Variants in COL24A1 observed in about 807,000 individuals in gnomAD.
The protein encoded by COL24A1 is collagen alpha-1(XXIV) chain.
COL24A1 carries 224 observed loss-of-function variants against 253.9 expected under a neutral mutation model. The ratio of observed to expected loss-of-function variants is 0.88; its 90% CI spans 0.79 to 0.99. The LOEUF (loss-of-function observed/expected upper bound fraction) is 0.99, where lower values mean the gene tolerates loss of function less well. Among genes scored for constraint, COL24A1 ranks in the 50% least tolerant of loss-of-function variants. The pLI, the probability that COL24A1 is intolerant of heterozygous loss-of-function variation, is 0.00. For missense variants in COL24A1, 2,131 were observed against 2,068.5 expected, an observed-to-expected ratio of 1.03 and a Z score of -0.59; for synonymous variants, 685 against 673.7, an observed-to-expected ratio of 1.02 and a Z score of -0.26.
intron 47 of COL24A1, among the ~76,000 whole-genome samples, chr1:85,801,949 C>G (rs1671470124): frequency 2.6e-5 from 4 of 152,196 alleles, no homozygotes; most frequent in South Asian, 4.1e-4. Flanking sequence ...TGATATCTCT[C>G]TCTCTCCCTC....
rs543572344 is a variant in COL24A1 at position 86,063,663 on chromosome 1, T to C, written c.1752+52A>G. ...AAAATAATCTCTCAAAGGAGTTCTCTAACATGTGTCTTTTTCACACATGAT... is the reference window on the plus strand; with the variant it reads ...AAAATAATCTCTCAAAGGAGTTCTCCAACATGTGTCTTTTTCACACATGAT... On this transcript the variant is annotated intron_variant, in intron 8 of 59. Transcript: ENST00000370571. 12 of 1,337,836 alleles carry C rather than the reference T, an allele frequency of 9.0e-6. No individual in the cohort carries two copies. The South Asian group carries it at 1.6e-4, about 18-fold the overall frequency. The allele number at this position is 1,337,836 out of a possible 1,614,324, so 82.9% of individuals were successfully genotyped here.
intron 47 of COL24A1, among the ~76,000 whole-genome samples, chr1:85,798,158 C>T (rs1439582379): frequency 6.7e-6 from 1 of 149,434 alleles, no homozygotes; most frequent in Non-Finnish European, 1.5e-5. Flanking sequence ...GATCACACCA[C>T]TGTACTCCAG....
intron 2 of COL24A1, among the ~76,000 whole-genome samples, chr1:86,136,485 T>C (rs1650267132): frequency 1.3e-5 from 2 of 152,132 alleles, no homozygotes; most frequent in South Asian, 4.1e-4. Context: ...CATTTTTTTC[T>C]ATTGTATGAT....
At chr1:85,745,600 G>A in intron 55 of COL24A1, 94 bp from the exon 56 acceptor site, 1 of 868,360 alleles carries the variant, frequency 1.2e-6, no homozygotes, top group Non-Finnish European at 1.8e-6. Flanking sequence ...TGCTGTTAAA[G>A]TATACCAGAC....
rs1170182205 is a variant in COL24A1, at chr1:85,896,404, T to C, written c.2784A>G (p.Ser928=). The C allele has an allele frequency of 5.6e-6, 9 of 1,612,698 alleles. No individual in the cohort carries two copies. Among genetic ancestry groups the C allele is most frequent in the Non-Finnish European group, 7.6e-6 (9 of 1,178,740 alleles). ...GSQGPKGQRG[S]RGPDGLLGEQ... ...CCCCTAAGAGACCATCTGGTCCTCTTGATCCCTAGAGGTGAAAAAAATATC... is the reference window on the plus strand; with the variant it reads ...CCCCTAAGAGACCATCTGGTCCTCTCGATCCCTAGAGGTGAAAAAAATATC... The change falls in exon 29 of 60, where the codon TCA becomes TCG. Residue 928 remains serine, a synonymous_variant. Coordinates refer to ENST00000370571, the MANE Select transcript of COL24A1 (RefSeq NM_152890.7).
intron 10 of COL24A1, 66 bp from the exon 11 acceptor site, chr1:86,050,243 T>C (rs985426403): frequency 2.9e-6 from 4 of 1,374,790 alleles, no homozygotes; most frequent in Admixed American, 3.6e-5. Flanking sequence ...TGATTCTGAA[T>C]AGAAGTACTT....
chr1:85,920,193 A>G (rs4912450), intron 24 of COL24A1, among the ~76,000 whole-genome samples: 39,420 of 152,112 alleles, frequency 0.26, 6,013 homozygotes, highest in East Asian at 0.34. Flanking sequence ...AAGAAGTAAA[A>G]TAATATCTAA....
chr1:86,105,386 G>A (rs1704874697), intron 5 of COL24A1, among the ~76,000 whole-genome samples: 1 of 152,200 alleles, frequency 6.6e-6, no homozygotes, highest in African/African-American at 2.4e-5. Context: ...GCTGTTGCGT[G>A]TCCAGAGGGC....
At chr1:86,018,539 G>A (rs537911861) in intron 18 of COL24A1, among the ~76,000 whole-genome samples, 1 of 152,156 alleles carries the variant, frequency 6.6e-6, no homozygotes, top group Non-Finnish European at 1.5e-5. Flanking sequence ...TAAGCAGTGA[G>A]GATAAAATAG....
intron 53 of COL24A1, among the ~76,000 whole-genome samples, chr1:85,770,685 C>G (rs1018739371): frequency 6.6e-6 from 1 of 152,124 alleles, no homozygotes; most frequent in African/African-American, 2.4e-5. Flanking sequence ...AAAAAATAAG[C>G]TTAGCATGAT....
chr1:85,908,794 C>A (rs1685091621), intron 26 of COL24A1, 143 bp from the exon 27 acceptor site: 4 of 426,972 alleles, frequency 9.4e-6, no homozygotes, highest in Middle Eastern at 6.2e-4. Flanking sequence ...ATATGAAAGG[C>A]CACAGGAAAT....
intron 22 of COL24A1, among the ~76,000 whole-genome samples, chr1:85,969,132 T>C (rs1691861440): frequency 6.6e-6 from 1 of 152,170 alleles, no homozygotes; most frequent in African/African-American, 2.4e-5. Context: ...AGGAAGTAAA[T>C]TTTAAATAAG....
At chr1:85,936,040 TG>T (rs1245902980) in intron 24 of COL24A1, among the ~76,000 whole-genome samples, 3 of 147,304 alleles carry the variant, frequency 2.0e-5, no homozygotes, top group Non-Finnish European at 3.0e-5. Context: ...TCCCTCCTTC[TG>T]GGGGATTGCA....
chr1:85,955,762 G>T (rs1266382536), intron 24 of COL24A1, among the ~76,000 whole-genome samples: 2 of 152,196 alleles, frequency 1.3e-5, no homozygotes, highest in Non-Finnish European at 2.9e-5. Flanking sequence ...TTCTACCAGA[G>T]GGTAGCAAAA....
chr1:85,875,748 CACACA>C (rs1193640015), intron 33 of COL24A1, among the ~76,000 whole-genome samples: 1 of 97,570 alleles, frequency 1.0e-5, no homozygotes, highest in East Asian at 4.1e-4. Flanking sequence ...CACACACACA[CACACA>C]CACACACACA....
chr1:85,846,404 A>C (rs1677145274), intron 39 of COL24A1, among the ~76,000 whole-genome samples: 1 of 151,940 alleles, frequency 6.6e-6, no homozygotes, highest in Non-Finnish European at 1.5e-5. Context: ...CTATATAAAA[A>C]TTAAAATGAT....
Position 86,108,062 on chromosome 1 carries a change from C to A in COL24A1, c.1599+4505G>T, listed in dbSNP as rs566457226. 2.6e-5 allele frequency among the ~76,000 whole-genome samples: 4 copies of A among 152,246 alleles called. No individual in the cohort carries two copies. In the East Asian group the frequency reaches 7.7e-4, roughly 29 times the overall value. ...TATAGTCAAAATTAAGTCCATCCTA[C>A]TAAATATAATGTTAAAGAAGACTCT... On this transcript the variant is annotated intron_variant, in intron 5 of 59. Coordinates refer to ENST00000370571, the MANE Select transcript of COL24A1 (RefSeq NM_152890.7).
chr1:86,038,343 T>C (rs1010438265), intron 12 of COL24A1, among the ~76,000 whole-genome samples: 2 of 152,186 alleles, frequency 1.3e-5, no homozygotes, highest in Non-Finnish European at 2.9e-5. Flanking sequence ...AATTAATTTC[T>C]CTTTCCTTTT....
At chr1:85,954,900 T>C (rs1403669242) in intron 24 of COL24A1, among the ~76,000 whole-genome samples, 2 of 152,202 alleles carry the variant, frequency 1.3e-5, no homozygotes, top group Admixed American at 1.3e-4. Context: ...GGCTGAATGG[T>C]ACCACCAGTA....
Sources: gnomAD v4.1 joint callset for allele counts (sites outside exome capture counted in the v4.1 genomes callset) on GRCh38, gnomAD v4.1.1 for gene constraint, MANE v1.5 for transcripts, NCBI Gene and HGNC (gene_info 2026-07-23, HGNC 2026-07-21) for gene names.